Variants in KCNQ1 observed in about 807,000 individuals in gnomAD.
KCNQ1 encodes potassium voltage-gated channel subfamily KQT member 1.
Under a neutral mutation model 72.4 loss-of-function variants are expected in KCNQ1, and 49 were observed. The ratio of observed to expected loss-of-function variants is 0.68; its 90% CI spans 0.54 to 0.86. The LOEUF is 0.86. KCNQ1 is among the 40% of genes least tolerant of loss of function. KCNQ1 has a pLI of 0.00. For missense variants in KCNQ1, 790 were observed against 945.1 expected, an observed-to-expected ratio of 0.84 and a Z score of 2.15; for synonymous variants, 450 against 412.6, an observed-to-expected ratio of 1.09 and a Z score of -1.10.
Position 2,725,588 on chromosome 11 carries a change from G to A in KCNQ1, c.1515-43256G>A, listed in dbSNP as rs1439025677. On this transcript the variant is annotated intron_variant, in intron 11 of 15. Transcript: ENST00000155840. This position sits in a 1 kb window ranked among gnomAD's most constrained non-coding sequence, Gnocchi z 7.2. Reference sequence around the variant, plus strand: ...TCAAAGGGCTGCCCCTGGAACCCAAGTCAGACTTGCCCTCGCCCCCTTCCC... The same window carrying A: ...TCAAAGGGCTGCCCCTGGAACCCAAATCAGACTTGCCCTCGCCCCCTTCCC... 2.6e-5 allele frequency among the ~76,000 whole-genome samples: 4 copies of A among 152,216 alleles called. No individual in the cohort carries two copies. The highest frequency in any genetic ancestry group is 4.4e-5 in the Non-Finnish European group (3 of 68,040).
chr11:2,527,107 GC>G lies in KCNQ1; in HGVS notation c.387-818del, dbSNP rs1182468919. ...ATGGTTCCGGCGATCAGAGAAGGCG[GC>G]CCGTCTTTTCTCTGCGGGCCCACAG... is the stretch of plus-strand genomic sequence containing the variant. On this transcript the variant is annotated intron_variant, in intron 1 of 15. Coordinates refer to ENST00000155840, the MANE Select transcript of KCNQ1 (RefSeq NM_000218.3). Among the ~76,000 whole-genome samples, 13 of 152,308 alleles carry G rather than the reference GC, an allele frequency of 8.5e-5. No individual in the cohort carries two copies. The East Asian group carries it at 2.1e-3, about 25-fold the overall frequency.
chr11:2,634,014 G>T, intron 10 of KCNQ1: 1 of 398,634 alleles, frequency 2.5e-6, no homozygotes, highest in Non-Finnish European at 4.4e-6. Flanking sequence ...ATGTCAGGCA[G>T]TGTAGTGCCT....
intron 11 of KCNQ1, chr11:2,685,726 C>A (rs1590031554): frequency 2.5e-6 from 1 of 398,722 alleles, no homozygotes; most frequent in East Asian, 3.6e-5. Context: ...GGTGCTCTGA[C>A]AGTCCGCCGA....
chr11:2,571,302 T>TC lies in KCNQ1; in HGVS notation c.605-18dup, dbSNP rs751948624. ...CCTGGCTGTGGCGATCACGAAAAGC[T>TC]CCCCCTCTCCTGCACTCCACAGACC... On this transcript the variant is annotated intron_variant, in intron 3 of 15. Coordinates refer to ENST00000155840, the MANE Select transcript of KCNQ1 (RefSeq NM_000218.3). 5.0e-6 allele frequency: 8 copies of TC among 1,602,982 alleles called. No homozygotes were observed. The South Asian group carries it at 8.8e-5, about 18-fold the overall frequency.
chr11:2,469,487 G>A (rs1053336213), intron 1 of KCNQ1, among the ~76,000 whole-genome samples: 4 of 151,780 alleles, frequency 2.6e-5, no homozygotes, highest in African/African-American at 9.7e-5. Context: ...TGGCCAGGCT[G>A]GTCTCTAACT....
Position 2,623,335 on chromosome 11 carries a change from T to C in KCNQ1, c.1393+34481T>C, listed in dbSNP as rs530866865. 4.3e-5 allele frequency: 17 copies of C among 398,578 alleles called. No individual in the cohort carries two copies. The highest frequency in any genetic ancestry group is 7.5e-5 in the Non-Finnish European group (17 of 226,068). 24.7% of individuals were successfully genotyped at this position (398,578 alleles called of 1,614,324 possible). A position where few individuals can be genotyped will look rare whatever the true frequency, so the allele number is the denominator to read the frequency against. On this transcript the variant is annotated intron_variant, in intron 10 of 15. Coordinates refer to ENST00000155840, the MANE Select transcript of KCNQ1 (RefSeq NM_000218.3). The surrounding 1 kb of genome is among the most constrained non-coding windows in gnomAD (Gnocchi z 5.2). ...GTGAGAACGGACTAATATGCATGTA[T>C]CTACCATTATAGTATCATACAGATA...
intron 10 of KCNQ1, chr11:2,655,748 G>C (rs1849835765): frequency 3.1e-6 from 1 of 322,856 alleles, no homozygotes; most frequent in Admixed American, 5.8e-5. Flanking sequence ...GGTGAAAACA[G>C]GGAAGAGGTG....
Position 2,547,948 on chromosome 11 carries a change from C to T in KCNQ1, c.477+19930C>T, listed in dbSNP as rs1277315169. On this transcript the variant is annotated intron_variant, in intron 2 of 15. Transcript: ENST00000155840. The surrounding 1 kb of genome is among the most constrained non-coding windows in gnomAD (Gnocchi z 4.2). ...GCGGGTGGAGGGAGCTGTGAGGAGC[C>T]TGTAGCATTCAGAGACAGGGGAGCA... is the stretch of plus-strand genomic sequence containing the variant. Among the ~76,000 whole-genome samples the T allele has an allele frequency of 6.6e-6, 1 of 152,190 alleles. No individual in the cohort carries two copies. The highest frequency in any genetic ancestry group is 1.5e-5 in the Non-Finnish European group (1 of 68,038).
rs887361799 is a variant in KCNQ1 at position 2,723,912 on chromosome 11, C to T, written c.1515-44932C>T. Among the ~76,000 whole-genome samples the T allele has an allele frequency of 3.3e-5, 5 of 152,150 alleles. No individual in the cohort carries two copies. The highest frequency in any genetic ancestry group is 6.5e-5 in the Admixed American group (1 of 15,280). ...GGAAGTCACACGTTGGGGGATGTGCCGCAGGGATGGGGCATCTCAGCCTTT... is the reference window on the plus strand; with the variant it reads ...GGAAGTCACACGTTGGGGGATGTGCTGCAGGGATGGGGCATCTCAGCCTTT... On this transcript the variant is annotated intron_variant, in intron 11 of 15. Transcript: ENST00000155840. The surrounding 1 kb of genome is among the most constrained non-coding windows in gnomAD (Gnocchi z 4.2).
chr11:2,551,804 G>C (rs1275711217), intron 2 of KCNQ1, among the ~76,000 whole-genome samples: 1 of 152,226 alleles, frequency 6.6e-6, no homozygotes, highest in Non-Finnish European at 1.5e-5. Context: ...CTAAAGGCTG[G>C]AGCCATATTC....
At chr11:2,552,171 C>T (rs975738132) in intron 2 of KCNQ1, among the ~76,000 whole-genome samples, 1 of 151,172 alleles carries the variant, frequency 6.6e-6, no homozygotes, top group Non-Finnish European at 1.5e-5. Context: ...AAGAAATATT[C>T]GCCTAATCCA....
rs1019671752 is a variant in KCNQ1, at chr11:2,735,348, T to G, written c.1515-33496T>G. On this transcript the variant is annotated intron_variant, in intron 11 of 15. Coordinates refer to ENST00000155840, the MANE Select transcript of KCNQ1 (RefSeq NM_000218.3). The surrounding 1 kb of genome is among the most constrained non-coding windows in gnomAD (Gnocchi z 7.7). ...TAATGGCAATTGAGGCCCTGCCCGGTGGAGGGTGGGCCATGGCCGCCCCCA... is the reference window on the plus strand; with the variant it reads ...TAATGGCAATTGAGGCCCTGCCCGGGGGAGGGTGGGCCATGGCCGCCCCCA... 3.3e-5 allele frequency among the ~76,000 whole-genome samples: 5 copies of G among 151,964 alleles called. No individual in the cohort carries two copies. Among genetic ancestry groups the G allele is most frequent in the Admixed American group, 2.6e-4 (4 of 15,276 alleles).
chr11:2,758,519 C>T (rs575611588), intron 11 of KCNQ1, among the ~76,000 whole-genome samples: 5 of 152,272 alleles, frequency 3.3e-5, no homozygotes, highest in East Asian at 1.9e-4. Context: ...AGTCAGCATG[C>T]GACTACCACA....
In KCNQ1 at chr11:2,690,756, A is replaced by C; in HGVS notation, c.1514+28675A>C. The C allele has an allele frequency of 2.5e-6, 1 of 398,638 alleles. No homozygotes were observed. The highest frequency in any genetic ancestry group is 4.4e-6 in the Non-Finnish European group (1 of 226,086). 24.7% of individuals were successfully genotyped at this position (398,638 alleles called of 1,614,324 possible). ...GATGGAGTATGATCCCAAATCCCTT[A>C]GGTGGATGTGGCCTGGCAGGGGGTC... On this transcript the variant is annotated intron_variant, in intron 11 of 15. Transcript: ENST00000155840. This position sits in a 1 kb window ranked among gnomAD's most constrained non-coding sequence, Gnocchi z 5.1.
intron 15 of KCNQ1, among the ~76,000 whole-genome samples, chr11:2,804,613 A>C (rs967641899): frequency 6.6e-6 from 1 of 150,768 alleles, no homozygotes; most frequent in Non-Finnish European, 1.5e-5. Flanking sequence ...AAGCATAAAG[A>C]GGTGAAAATA....
At position 2,484,074 on chromosome 11, in the gene KCNQ1, T is replaced by C. The variant is rs1163692857; in HGVS notation, c.386+38590T>C. Reference sequence around the variant, plus strand: ...AGCTGTCCCCTTTGTTCTGGTTATGTATCCAGTGGCTTATGTATATCAGCA... The same window carrying C: ...AGCTGTCCCCTTTGTTCTGGTTATGCATCCAGTGGCTTATGTATATCAGCA... On this transcript the variant is annotated intron_variant, in intron 1 of 15. Coordinates refer to ENST00000155840, the MANE Select transcript of KCNQ1 (RefSeq NM_000218.3). The surrounding 1 kb of genome is among the most constrained non-coding windows in gnomAD (Gnocchi z 5.2). Among the ~76,000 whole-genome samples the C allele has an allele frequency of 6.6e-6, 1 of 152,244 alleles. No individual in the cohort carries two copies. The highest frequency in any genetic ancestry group is 1.5e-5 in the Non-Finnish European group (1 of 68,036).
Position 2,563,348 on chromosome 11 carries a change from G to A in KCNQ1, c.478-7280G>A, listed in dbSNP as rs974915416. ...CCTTTCCCCGCTCTGTTCACTCGGA[G>A]ACTAAAAATCCCAGATAAGCACCTG... On this transcript the variant is annotated intron_variant, in intron 2 of 15. Coordinates refer to ENST00000155840, the MANE Select transcript of KCNQ1 (RefSeq NM_000218.3). The surrounding 1 kb of genome is among the most constrained non-coding windows in gnomAD (Gnocchi z 7.4). Among the ~76,000 whole-genome samples the A allele has an allele frequency of 2.6e-5, 4 of 152,210 alleles. No individual in the cohort carries two copies. The highest frequency in any genetic ancestry group is 9.6e-5 in the African/African-American group (4 of 41,452).
In KCNQ1 at chr11:2,541,007, G is replaced by C. The variant is rs534491913; in HGVS notation, c.477+12989G>C. Among the ~76,000 whole-genome samples, 1 of 152,354 alleles carries C rather than the reference G, an allele frequency of 6.6e-6. No individual in the cohort carries two copies. The highest frequency in any genetic ancestry group is 1.9e-4 in the East Asian group (1 of 5,178). On this transcript the variant is annotated intron_variant, in intron 2 of 15. Transcript: ENST00000155840. This position sits in a 1 kb window ranked among gnomAD's most constrained non-coding sequence, Gnocchi z 4.8. ...CGCACAGACATATGTGCACGGATGG[G>C]CGTGTGGACGTATGCACACATAGGT...
In KCNQ1 at chr11:2,756,981, A is replaced by AC. The variant is rs1554917654; in HGVS notation, c.1515-11860dup. Among the ~76,000 whole-genome samples, 799 of 115,142 alleles carry AC rather than the reference A, an allele frequency of 6.9e-3. 67 individuals are homozygous for AC. The highest frequency in any genetic ancestry group is 0.03 in the Middle Eastern group (7 of 230). 75.5% of individuals were successfully genotyped at this position (115,142 alleles called of 152,430 possible). A position where few individuals can be genotyped will look rare whatever the true frequency, so the allele number is the denominator to read the frequency against. On this transcript the variant is annotated intron_variant, in intron 11 of 15. Transcript: ENST00000155840. Reference sequence around the variant, plus strand: ...AAAAAAAAAAAAAAAAAAAAAAAAAACCCACAGCTAACATCACATCACACT... The same window carrying AC: ...AAAAAAAAAAAAAAAAAAAAAAAAAACCCCACAGCTAACATCACATCACACT...
Sources: gnomAD v4.1 joint callset for allele counts (sites outside exome capture counted in the v4.1 genomes callset) on GRCh38, gnomAD v4.1.1 for gene constraint, Gnocchi (gnomAD v3.1) non-coding constraint, MANE v1.5 for transcripts, NCBI Gene and HGNC (gene_info 2026-07-23, HGNC 2026-07-21) for gene names.